The following TAFA2 variants were observed in gnomAD, a reference collection of about 807,000 sequenced individuals.
TAFA2 encodes the protein TAFA chemokine like family member 2.
In TAFA2, 7 loss-of-function variants were observed where a neutral mutation model predicts 18.8. That is an observed-to-expected ratio of 0.37 (90% CI 0.21 to 0.70). The LOEUF is 0.70. TAFA2 is among the 30% of genes least tolerant of loss of function. The pLI is 0.53. For synonymous variants in TAFA2, 60 were observed against 54.2 expected, an observed-to-expected ratio of 1.11 and a Z score of -0.47; for missense variants, 122 against 158.1, an observed-to-expected ratio of 0.77 and a Z score of 1.23.
chr12:62,104,747 G>A (rs957045913), intron 1 of TAFA2: 10 of 455,024 alleles, frequency 2.2e-5, no homozygotes, highest in African/African-American at 2.0e-4. Context: ...AATTTACCTG[G>A]TAATCGGGGT....
At chr12:62,112,960 C>T (rs556161586) in intron 1 of TAFA2, among the ~76,000 whole-genome samples, 1 of 152,046 alleles carries the variant, frequency 6.6e-6, no homozygotes, top group African/African-American at 2.4e-5. Flanking sequence ...TTGTTATTAC[C>T]CACCTTCTGA....
At chr12:62,173,826 A>G (rs1340222798) in intron 1 of TAFA2, among the ~76,000 whole-genome samples, 1 of 152,248 alleles carries the variant, frequency 6.6e-6, no homozygotes, top group Non-Finnish European at 1.5e-5. Context: ...CAGAGAGAAC[A>G]GGAAATGAGC....
At chr12:61,941,224 A>G (rs888882984) in intron 1 of TAFA2, among the ~76,000 whole-genome samples, 1 of 152,034 alleles carries the variant, frequency 6.6e-6, no homozygotes, top group Admixed American at 6.5e-5. Flanking sequence ...TATTACTAAT[A>G]ACTTTTATAT....
intron 1 of TAFA2, among the ~76,000 whole-genome samples, chr12:62,214,743 A>C (rs1231251599): frequency 6.6e-6 from 1 of 152,148 alleles, no homozygotes; most frequent in Non-Finnish European, 1.5e-5. Flanking sequence ...CCTTGGAAAA[A>C]ATGAACCTGC....
chr12:61,859,618 A>G (rs1157900587), intron 2 of TAFA2, among the ~76,000 whole-genome samples: 1 of 151,904 alleles, frequency 6.6e-6, no homozygotes, highest in Non-Finnish European at 1.5e-5. Flanking sequence ...TAATCTTTGT[A>G]TTTTTAGTAG....
chr12:61,814,123 C>A (rs896919445), intron 2 of TAFA2, among the ~76,000 whole-genome samples: 28 of 151,344 alleles, frequency 1.9e-4, no homozygotes, highest in Non-Finnish European at 1.5e-5. Context: ...GTAATAATAT[C>A]TCTTTTGCAG....
intron 1 of TAFA2, among the ~76,000 whole-genome samples, chr12:62,233,035 A>T (rs1386494862): frequency 5.4e-5 from 7 of 128,998 alleles, no homozygotes; most frequent in Non-Finnish European, 1.1e-4. Context: ...GCAAGTCCTC[A>T]CTATTTGTCC....
At chr12:62,203,511 C>G (rs1188379351) in intron 1 of TAFA2, among the ~76,000 whole-genome samples, 1 of 152,196 alleles carries the variant, frequency 6.6e-6, no homozygotes, top group Non-Finnish European at 1.5e-5. Context: ...TTTTATGAAT[C>G]TGGGTCCTCC....
At chr12:62,113,750 G>T (rs1180662055) in intron 1 of TAFA2, among the ~76,000 whole-genome samples, 1 of 152,140 alleles carries the variant, frequency 6.6e-6, no homozygotes, top group Non-Finnish European at 1.5e-5. Context: ...GCTGCAATGG[G>T]CACTCCCCAG....
Position 61,740,303 on chromosome 12 carries a change from G to A in TAFA2, c.384+13319C>T, listed in dbSNP as rs185990692. Among the ~76,000 whole-genome samples the A allele has an allele frequency of 6.0e-3, 918 of 152,020 alleles. 3 individuals carry two copies. The highest frequency in any genetic ancestry group is 0.021 in the African/African-American group (870 of 41,492). ...AATGAGAACACATGGACACAGGGGTGGGGGGGAATATCACACACCGGAGCC... is the reference window on the plus strand; with the variant it reads ...AATGAGAACACATGGACACAGGGGTAGGGGGGAATATCACACACCGGAGCC... On this transcript the variant is annotated intron_variant, in intron 4 of 4. Coordinates refer to ENST00000416284, the MANE Select transcript of TAFA2 (RefSeq NM_178539.5).
At chr12:61,774,084 A>G (rs1443536735) in intron 2 of TAFA2, among the ~76,000 whole-genome samples, 1 of 152,006 alleles carries the variant, frequency 6.6e-6, no homozygotes, top group Non-Finnish European at 1.5e-5. Context: ...AATGACCAAT[A>G]AAAATATGAA....
intron 2 of TAFA2, among the ~76,000 whole-genome samples, chr12:61,791,313 G>A (rs73324064): frequency 0.028 from 4,319 of 151,626 alleles, 209 homozygotes; most frequent in African/African-American, 0.098. Flanking sequence ...TTTTTTATAA[G>A]ACCTAAAAAG....
intron 1 of TAFA2, among the ~76,000 whole-genome samples, chr12:61,928,884 C>CATTCTCAG (rs1877425296): frequency 6.6e-6 from 1 of 152,040 alleles, no homozygotes; most frequent in African/African-American, 2.4e-5. Flanking sequence ...TGGAAATCAT[C>CATTCTCAG]ATTCTCAGCA....
intron 4 of TAFA2, among the ~76,000 whole-genome samples, chr12:61,733,566 A>C (rs1868256956): frequency 1.3e-5 from 2 of 148,494 alleles, no homozygotes; most frequent in Admixed American, 6.7e-5. Flanking sequence ...CAGGTTTGTC[A>C]AAGATCAGAT....
chr12:61,898,646 G>A (rs780683250), intron 1 of TAFA2, among the ~76,000 whole-genome samples: 1 of 152,168 alleles, frequency 6.6e-6, no homozygotes, highest in Non-Finnish European at 1.5e-5. Context: ...AAGGCACAGA[G>A]CAGAGGGACC....
intron 1 of TAFA2, among the ~76,000 whole-genome samples, chr12:62,187,402 T>C (rs1008762782): frequency 6.6e-6 from 1 of 152,152 alleles, no homozygotes; most frequent in Admixed American, 6.5e-5. Flanking sequence ...GGAAAAACTA[T>C]GCACCTATAA....
intron 1 of TAFA2, among the ~76,000 whole-genome samples, chr12:62,228,249 T>C (rs1201762911): frequency 1.3e-5 from 2 of 152,208 alleles, no homozygotes; most frequent in East Asian, 1.9e-4. Flanking sequence ...GTGTACGGAA[T>C]GTTTAGCTCC....
intron 1 of TAFA2, among the ~76,000 whole-genome samples, chr12:61,941,839 C>G (rs1878034743): frequency 6.6e-6 from 1 of 152,114 alleles, no homozygotes; most frequent in Non-Finnish European, 1.5e-5. Flanking sequence ...GCACAGCAGT[C>G]TGAGATCAAA....
In TAFA2 at chr12:62,240,836, G is replaced by A. The variant is rs567477156; in HGVS notation, c.-130+17927C>T. Among the ~76,000 whole-genome samples, 29 of 152,246 alleles carry A rather than the reference G, an allele frequency of 1.9e-4. No individual in the cohort carries two copies. The East Asian group carries it at 3.5e-3, about 18-fold the overall frequency. ...GAGGTCCACCTTCTGTCAGATTAGCGGCGGCATTAGATTCTCATAGTAGCA... is the reference window on the plus strand; with the variant it reads ...GAGGTCCACCTTCTGTCAGATTAGCAGCGGCATTAGATTCTCATAGTAGCA... On this transcript the variant is annotated intron_variant, in intron 1 of 5. Coordinates refer to the TAFA2 transcript ENST00000551619.
Sources: gnomAD v4.1 joint callset for allele counts (sites outside exome capture counted in the v4.1 genomes callset) on GRCh38, gnomAD v4.1.1 for gene constraint, MANE v1.5 for transcripts, NCBI Gene and HGNC (gene_info 2026-07-23, HGNC 2026-07-21) for gene names.